Variants in PAK5 observed in about 807,000 individuals in gnomAD.
The protein encoded by PAK5 is serine/threonine-protein kinase PAK 5.
Under a neutral mutation model 65.9 loss-of-function variants are expected in PAK5, and 16 were observed. The observed-to-expected ratio is 0.24, with a 90% CI of 0.16 to 0.37. PAK5 has a LOEUF of 0.37. Among genes scored for constraint, PAK5 ranks in the 10% least tolerant of loss-of-function variants. The probability of loss-of-function intolerance (pLI) is 1.00; values close to 1 mark genes in which losing one functional copy is unlikely to be tolerated. For synonymous variants in PAK5, 371 were observed against 354.9 expected, an observed-to-expected ratio of 1.05 and a Z score of -0.51; for missense variants, 785 against 903.9, an observed-to-expected ratio of 0.87 and a Z score of 1.69.
intron 4 of PAK5, among the ~76,000 whole-genome samples, chr20:9,577,858 T>G (rs991675742): frequency 2.0e-5 from 3 of 152,304 alleles, no homozygotes; most frequent in Admixed American, 6.5e-5. Flanking sequence ...TTTGTTGTTG[T>G]TGTTGGTGGT....
Position 9,544,420 on chromosome 20 carries a change from A to G in PAK5, c.1818T>C (p.Thr606=). The part of the protein sequence containing the change: ...EVPKRKSLVG[T]PYWMAPEVIS... ...TCACCTCAGGGGCCATCCAGTAGGG[A>G]GTGCCAACCAATGATTTCCTCTTCG... is the stretch of plus-strand genomic sequence containing the variant. The change falls in exon 8 of 10, where the codon ACT becomes ACC. Residue 606 remains threonine, a synonymous_variant. Coordinates refer to ENST00000353224, the MANE Select transcript of PAK5 (RefSeq NM_177990.4). 2 of 1,613,978 alleles carry G rather than the reference A, an allele frequency of 1.2e-6. No individual in the cohort carries two copies. The highest frequency in any genetic ancestry group is 1.1e-5 in the South Asian group (1 of 91,068).
intron 1 of PAK5, among the ~76,000 whole-genome samples, chr20:9,746,742 A>T (rs2048512885): frequency 6.6e-6 from 1 of 152,132 alleles, no homozygotes; most frequent in African/African-American, 2.4e-5. Flanking sequence ...AACCGCACAG[A>T]CATTCCTTGA....
chr20:9,757,915 C>A (rs536546960), intron 1 of PAK5, among the ~76,000 whole-genome samples: 4 of 152,132 alleles, frequency 2.6e-5, no homozygotes, highest in African/African-American at 9.7e-5. Flanking sequence ...GTGTTTTAGA[C>A]GCCAAGCCTC....
chr20:9,702,098 A>C (rs2047947224), intron 2 of PAK5, among the ~76,000 whole-genome samples: 1 of 152,200 alleles, frequency 6.6e-6, no homozygotes, highest in Non-Finnish European at 1.5e-5. Context: ...AATAAATGAC[A>C]GAGAAATGAC....
rs548359278 is a variant in PAK5, at chr20:9,711,399, T to C, written c.-125A>G. On this transcript the variant is annotated 5_prime_UTR_variant, in exon 2 of 10. Transcript: ENST00000353224. ...TCTTCATTTTTCCTCAGTGTTCATTTTAGCAAGAGGTGGAAGCATTTCACC... is the reference window on the plus strand; with the variant it reads ...TCTTCATTTTTCCTCAGTGTTCATTCTAGCAAGAGGTGGAAGCATTTCACC... 2.0e-5 allele frequency: 3 copies of C among 152,302 alleles called. No individual in the cohort carries two copies. Among genetic ancestry groups the C allele is most frequent in the South Asian group, 4.1e-4 (2 of 4,824 alleles). 9.4% of individuals were successfully genotyped at this position (152,302 alleles called of 1,614,324 possible).
chr20:9,792,747 T>C (rs2049063104), intron 1 of PAK5, among the ~76,000 whole-genome samples: 1 of 152,156 alleles, frequency 6.6e-6, no homozygotes, highest in Non-Finnish European at 1.5e-5. Context: ...CTACATGTTA[T>C]GGTAGTATTC....
At chr20:9,771,767 A>G (rs2048836531) in intron 1 of PAK5, among the ~76,000 whole-genome samples, 1 of 152,006 alleles carries the variant, frequency 6.6e-6, no homozygotes, top group South Asian at 2.1e-4. Context: ...ATCAAGGAAC[A>G]GTGGCTCATG....
intron 3 of PAK5, among the ~76,000 whole-genome samples, chr20:9,639,145 A>G (rs2047018858): frequency 6.6e-6 from 1 of 152,166 alleles, no homozygotes; most frequent in Non-Finnish European, 1.5e-5. Flanking sequence ...ACTTTATCAT[A>G]TGTCATTCTT....
At chr20:9,623,105 T>A (rs1462553037) in intron 3 of PAK5, among the ~76,000 whole-genome samples, 1 of 152,186 alleles carries the variant, frequency 6.6e-6, no homozygotes, top group African/African-American at 2.4e-5. Context: ...AAAGTCTCTG[T>A]GTCACAAGGA....
intron 1 of PAK5, among the ~76,000 whole-genome samples, chr20:9,793,125 A>G (rs895667980): frequency 3.3e-5 from 5 of 151,894 alleles, no homozygotes; most frequent in African/African-American, 1.2e-4. Context: ...TACACTGGTC[A>G]CTCCCTCTAC....
chr20:9,806,333 G>C (rs1288039300), intron 1 of PAK5, among the ~76,000 whole-genome samples: 1 of 152,012 alleles, frequency 6.6e-6, no homozygotes, highest in Non-Finnish European at 1.5e-5. Flanking sequence ...GAATGATGTG[G>C]TAAAAATAAC....
intron 1 of PAK5, among the ~76,000 whole-genome samples, chr20:9,722,448 T>C (rs1340022833): frequency 6.6e-6 from 1 of 151,668 alleles, no homozygotes; most frequent in African/African-American, 2.4e-5. Flanking sequence ...CCGTCTCTAC[T>C]AAAACTACAA....
intron 7 of PAK5, among the ~76,000 whole-genome samples, chr20:9,550,663 G>T (rs575834203): frequency 6.6e-6 from 1 of 152,058 alleles, no homozygotes; most frequent in Admixed American, 6.5e-5. Context: ...TTTTTAAAAA[G>T]AATCTAGCCA....
intron 3 of PAK5, among the ~76,000 whole-genome samples, chr20:9,597,254 C>T (rs1337790055): frequency 1.3e-5 from 2 of 152,204 alleles, no homozygotes; most frequent in Non-Finnish European, 2.9e-5. Context: ...GCTTTGAAGG[C>T]TCTCTCCATG....
chr20:9,583,374 A>T (rs982798072), intron 3 of PAK5, among the ~76,000 whole-genome samples: 5 of 152,244 alleles, frequency 3.3e-5, no homozygotes, highest in African/African-American at 1.2e-4. Flanking sequence ...ACTGTTCAGC[A>T]GTTTCAGATT....
chr20:9,670,401 G>A (rs1336217416), intron 2 of PAK5, among the ~76,000 whole-genome samples: 1 of 152,162 alleles, frequency 6.6e-6, no homozygotes, highest in Non-Finnish European at 1.5e-5. Flanking sequence ...GTGTAAAAGT[G>A]TTCCTATTTC....
At chr20:9,598,450 T>C (rs1238462785) in intron 3 of PAK5, among the ~76,000 whole-genome samples, 1 of 152,234 alleles carries the variant, frequency 6.6e-6, no homozygotes, top group African/African-American at 2.4e-5. Context: ...AATAGAATGA[T>C]TAATGTTCCT....
At chr20:9,652,318 T>C (rs562690524) in intron 2 of PAK5, among the ~76,000 whole-genome samples, 6 of 152,328 alleles carry the variant, frequency 3.9e-5, no homozygotes, top group African/African-American at 1.4e-4. Context: ...TTCTCCAGTC[T>C]TTTAGCTATG....
At chr20:9,628,945 G>A (rs2046885124) in intron 3 of PAK5, among the ~76,000 whole-genome samples, 1 of 152,320 alleles carries the variant, frequency 6.6e-6, no homozygotes, top group Admixed American at 6.5e-5. Context: ...CTACTTGTGA[G>A]GTGTGCTCCA....
Sources: gnomAD v4.1 joint callset for allele counts (sites outside exome capture counted in the v4.1 genomes callset) on GRCh38, gnomAD v4.1.1 for gene constraint, MANE v1.5 for transcripts, NCBI Gene and HGNC (gene_info 2026-07-23, HGNC 2026-07-21) for gene names.